BRINP3: variants seen among roughly 807,000 people sequenced by gnomAD.
BRINP3 encodes the protein BMP/retinoic acid inducible neural specific 3.
In BRINP3, 19 loss-of-function variants were observed where a neutral mutation model predicts 71.0. The ratio of observed to expected loss-of-function variants is 0.27; its 90% CI spans 0.19 to 0.39. The LOEUF is 0.39. Ranked by LOEUF, BRINP3 falls within the 10% of genes least tolerant of loss-of-function variation. The pLI is 1.00. For missense variants in BRINP3, 959 were observed against 940.8 expected (o/e 1.02, Z -0.25); for synonymous variants, 380 against 337.7 (o/e 1.13, Z -1.37).
intron 6 of BRINP3, among the ~76,000 whole-genome samples, chr1:190,199,762 AAGGCATAGG>A (rs1437864058): frequency 7.2e-6 from 1 of 138,886 alleles, no homozygotes; most frequent in East Asian, 2.1e-4. Context: ...TATTCTTGTC[AAGGCATAGG>A]AAAAAAAAAA....
At position 190,160,748 on chromosome 1, in the gene BRINP3, C is replaced by G. The variant is rs747573261; in HGVS notation, c.1104G>C (p.Lys368Asn). ...AAAGCTTGTGTACAATTTTCTGCGC[C>G]TTTAGGAAAAGTTGTTTCATGCTGT... ...LENSMKQLFL[K>N]AQKIVHKLFS... Residue 368 changes from lysine (K) to asparagine (N), a missense_variant, in exon 7 of 8, where the codon AAG (lysine) becomes AAC (asparagine). Physicochemically the swap from Lys to Asn is moderately conservative, Grantham distance 94. Transcript: ENST00000367462. The G allele has an allele frequency of 6.2e-7, 1 of 1,613,502 alleles. No homozygotes were observed.
chr1:190,104,621 C>T (rs1004852698), intron 7 of BRINP3, among the ~76,000 whole-genome samples: 1 of 151,920 alleles, frequency 6.6e-6, no homozygotes, highest in Non-Finnish European at 1.5e-5. Context: ...ATTTTAATAA[C>T]ATGATCAAGA....
chr1:190,339,935 T>C (rs932618455), intron 2 of BRINP3, among the ~76,000 whole-genome samples: 3 of 152,088 alleles, frequency 2.0e-5, no homozygotes, highest in Middle Eastern at 6.8e-3. Flanking sequence ...TATTTTCAAC[T>C]AGGCTTCTAT....
intron 2 of BRINP3, among the ~76,000 whole-genome samples, chr1:190,291,772 C>T (rs1663886661): frequency 6.6e-6 from 1 of 152,128 alleles, no homozygotes; most frequent in Non-Finnish European, 1.5e-5. Context: ...AAAAATAGAA[C>T]TACCATATGA....
chr1:190,309,633 T>G (rs547922648), intron 2 of BRINP3, among the ~76,000 whole-genome samples: 1 of 151,940 alleles, frequency 6.6e-6, no homozygotes, highest in Admixed American at 6.6e-5. Context: ...ATACTCTATA[T>G]TGAACCCTAA....
At chr1:190,199,838 A>G (rs2102606627) in intron 6 of BRINP3, among the ~76,000 whole-genome samples, 1 of 151,904 alleles carries the variant, frequency 6.6e-6, no homozygotes, top group Middle Eastern at 3.4e-3. Context: ...TTTTCTAGGG[A>G]AAATTATACT....
chr1:190,118,152 T>C (rs1653309742), intron 7 of BRINP3, among the ~76,000 whole-genome samples: 2 of 151,818 alleles, frequency 1.3e-5, no homozygotes, highest in African/African-American at 2.4e-5. Flanking sequence ...ACACACAATA[T>C]AAACAACTCT....
chr1:190,368,391 C>T (rs1216353511), intron 2 of BRINP3, among the ~76,000 whole-genome samples: 1 of 152,034 alleles, frequency 6.6e-6, no homozygotes, highest in Non-Finnish European at 1.5e-5. Context: ...CTGCGGCAGG[C>T]CATGTCTCAC....
chr1:190,134,219 C>T (rs1654783992), intron 7 of BRINP3, among the ~76,000 whole-genome samples: 3 of 152,016 alleles, frequency 2.0e-5, no homozygotes, highest in Middle Eastern at 6.8e-3. Flanking sequence ...GATATTTCAA[C>T]TGAAAGCCAA....
chr1:190,460,909 C>A (rs1388727048), intron 1 of BRINP3, among the ~76,000 whole-genome samples: 1 of 152,114 alleles, frequency 6.6e-6, no homozygotes, highest in Non-Finnish European at 1.5e-5. Flanking sequence ...TTCTCCACCC[C>A]CATTTTACTT....
At chr1:190,349,327 G>A (rs1453860435) in intron 2 of BRINP3, among the ~76,000 whole-genome samples, 1 of 152,006 alleles carries the variant, frequency 6.6e-6, no homozygotes, top group Non-Finnish European at 1.5e-5. Context: ...AGAGATAGTA[G>A]GCAAGGTTAA....
rs773994725 is a variant in BRINP3, at chr1:190,098,113, T to A, written c.2206A>T (p.Thr736Ser). ...CLLRHRLKLS[T>S]SEVVRIQSAL... ...GATTGGATCCTCACCACCTCACTAG[T>A]AGACAGCTTGAGTCTATGACGAAGC... The change falls in exon 8 of 8, where the codon ACT becomes TCT. Residue 736 changes from threonine to serine, a missense_variant. Coordinates refer to ENST00000367462, the MANE Select transcript of BRINP3 (RefSeq NM_199051.3). 1 of 1,614,144 alleles carries A rather than the reference T, an allele frequency of 6.2e-7. No homozygotes were observed.
At chr1:190,366,854 T>A (rs1669537448) in intron 2 of BRINP3, among the ~76,000 whole-genome samples, 2 of 152,200 alleles carry the variant, frequency 1.3e-5, no homozygotes, top group South Asian at 4.1e-4. Flanking sequence ...GTGTCTCACA[T>A]CCAGGGCACA....
At chr1:190,171,173 G>A (rs1651976631) in intron 6 of BRINP3, among the ~76,000 whole-genome samples, 1 of 152,090 alleles carries the variant, frequency 6.6e-6, no homozygotes, top group Non-Finnish European at 1.5e-5. Context: ...TGTGGTTGAC[G>A]AGATGCCACC....
chr1:190,119,718 G>A (rs140320191), intron 7 of BRINP3, among the ~76,000 whole-genome samples: 16 of 152,320 alleles, frequency 1.1e-4, no homozygotes, highest in African/African-American at 3.8e-4. Flanking sequence ...GAACAGGAAA[G>A]GCAACAATGA....
At chr1:190,185,854 C>A (rs1356218689) in intron 6 of BRINP3, among the ~76,000 whole-genome samples, 1 of 152,028 alleles carries the variant, frequency 6.6e-6, no homozygotes, top group Non-Finnish European at 1.5e-5. Flanking sequence ...TTTAAAAGTA[C>A]AGTTATTTCT....
At chr1:190,155,382 A>G (rs1452471197) in intron 7 of BRINP3, among the ~76,000 whole-genome samples, 1 of 152,142 alleles carries the variant, frequency 6.6e-6, no homozygotes, top group Non-Finnish European at 1.5e-5. Flanking sequence ...GTTCAGTGAC[A>G]TCACATTGGT....
In BRINP3 at chr1:190,433,042, T is replaced by G. The variant is rs74130760; in HGVS notation, c.236+21613A>C. On this transcript the variant is annotated intron_variant, in intron 2 of 7. Coordinates refer to ENST00000367462, the MANE Select transcript of BRINP3 (RefSeq NM_199051.3). ...AAAAATCTATTTTAGAATACATTGT[T>G]TCATTAACCTAGTTATCATTAACGA... Among the ~76,000 whole-genome samples, 566 of 152,296 alleles carry G rather than the reference T, an allele frequency of 3.7e-3. 4 individuals carry two copies. The highest frequency in any genetic ancestry group is 0.013 in the African/African-American group (526 of 41,578).
At chr1:190,307,660 A>G (rs2103016031) in intron 2 of BRINP3, among the ~76,000 whole-genome samples, 1 of 151,954 alleles carries the variant, frequency 6.6e-6, no homozygotes, top group Non-Finnish European at 1.5e-5. Context: ...TTCAAAGTGT[A>G]GATTTTGCTC....
Sources: allele counts gnomAD v4.1 joint callset (sites outside exome capture counted in the v4.1 genomes callset), GRCh38; gene constraint gnomAD v4.1.1; transcripts MANE v1.5; gene names NCBI Gene and HGNC (gene_info 2026-07-23, HGNC 2026-07-21).